Variants in CNOT6 observed in about 807,000 individuals in gnomAD.
The protein encoded by CNOT6 is carbon catabolite repression 4 protein.
A neutral mutation model predicts 61.2 loss-of-function variants in CNOT6; 12 were observed. The observed-to-expected ratio is 0.20, with a 90% CI of 0.13 to 0.32. The LOEUF (loss-of-function observed/expected upper bound fraction) is 0.32. Among genes scored for constraint, CNOT6 ranks in the 10% least tolerant of loss-of-function variants. The pLI, the probability that CNOT6 is intolerant of heterozygous loss-of-function variation, is 1.00. For missense variants in CNOT6, 405 were observed against 663.9 expected, an observed-to-expected ratio of 0.61 and a Z score of 4.28; for synonymous variants, 225 against 240.6, an observed-to-expected ratio of 0.94 and a Z score of 0.60.
intron 3 of CNOT6, among the ~76,000 whole-genome samples, chr5:180,551,663 C>T (rs141678140): frequency 5.3e-5 from 8 of 152,128 alleles, no homozygotes; most frequent in Non-Finnish European, 2.9e-5. Flanking sequence ...TTCATGTTAA[C>T]TGACTTTTTG....
At chr5:180,529,443 T>C in intron 2 of CNOT6, 55 bp downstream of exon 2, 1 of 1,028,194 alleles carries the variant, frequency 9.7e-7, no homozygotes, top group East Asian at 2.4e-5. Context: ...GGTAGTAAAC[T>C]GAGTTTTCTA....
chr5:180,570,031 G>T (rs188116520), intron 10 of CNOT6, among the ~76,000 whole-genome samples: 1 of 152,096 alleles, frequency 6.6e-6, no homozygotes. Flanking sequence ...TTGGAAGCAC[G>T]TTCTTGACAT....
At chr5:180,494,925 C>G (rs1468905465) in intron 1 of CNOT6, among the ~76,000 whole-genome samples, 162 bp downstream of exon 1, 5 of 151,626 alleles carry the variant, frequency 3.3e-5, no homozygotes, top group Non-Finnish European at 5.9e-5. Flanking sequence ...CCCTTCGACG[C>G]GCCGCGATCG....
chr5:180,496,210 T>A (rs1756607365), intron 1 of CNOT6, among the ~76,000 whole-genome samples: 1 of 152,130 alleles, frequency 6.6e-6, no homozygotes, highest in South Asian at 2.1e-4. Flanking sequence ...GCCATCACAG[T>A]GTTTAGAATG....
At chr5:180,548,902 T>A (rs1383294258) in intron 2 of CNOT6, among the ~76,000 whole-genome samples, 1 of 152,232 alleles carries the variant, frequency 6.6e-6, no homozygotes, top group Admixed American at 6.5e-5. Flanking sequence ...AAGGAGATTA[T>A]GGGGAACATT....
At chr5:180,511,559 C>T (rs907328637) in intron 1 of CNOT6, among the ~76,000 whole-genome samples, 5 of 151,258 alleles carry the variant, frequency 3.3e-5, no homozygotes, top group East Asian at 2.0e-4. Context: ...TGCAGTGAGC[C>T]GAGATCACAC....
chr5:180,525,710 A>T (rs142243414), intron 1 of CNOT6, among the ~76,000 whole-genome samples: 109 of 152,302 alleles, frequency 7.2e-4, no homozygotes, highest in African/African-American at 2.5e-3. Context: ...TTTTCTGGTA[A>T]AATGGAGATA....
In CNOT6 at chr5:180,500,425, CT is replaced by C; in HGVS notation, c.-3+5667del. 2.2e-5 allele frequency among the ~76,000 whole-genome samples: 3 copies of C among 134,134 alleles called. No homozygotes were observed. In the East Asian group the frequency reaches 6.8e-4, roughly 30 times the overall value. 88.0% of individuals were successfully genotyped at this position (134,134 alleles called of 152,430 possible). The stretch of plus-strand genomic sequence containing the variant: ...CTGCACCTGGCCAAATTCACGTTTT[CT>C]TTTTCTTTTCTTTTCTTTTTTTTTT... On this transcript the variant is annotated intron_variant, in intron 1 of 11. Coordinates refer to ENST00000261951, the MANE Select transcript of CNOT6 (RefSeq NM_001370472.1).
At chr5:180,497,581 C>T (rs914655718) in intron 1 of CNOT6, among the ~76,000 whole-genome samples, 16 of 152,098 alleles carry the variant, frequency 1.1e-4, no homozygotes, top group Non-Finnish European at 2.1e-4. Flanking sequence ...TTGGGAAGCT[C>T]TGCTTGAAAG....
chr5:180,509,306 AT>A (rs200864349), intron 1 of CNOT6, among the ~76,000 whole-genome samples: 10 of 150,634 alleles, frequency 6.6e-5, no homozygotes, highest in East Asian at 1.9e-4. Flanking sequence ...TAATTTTGGT[AT>A]TTTTTTTTCT....
At chr5:180,501,899 G>A (rs1756883657) in intron 1 of CNOT6, among the ~76,000 whole-genome samples, 1 of 152,186 alleles carries the variant, frequency 6.6e-6, no homozygotes, top group Admixed American at 6.5e-5. Flanking sequence ...GAAATGGGTT[G>A]ATAGGATTTG....
chr5:180,534,583 TG>T (rs1321962601), intron 2 of CNOT6: 4 of 155,544 alleles, frequency 2.6e-5, no homozygotes, highest in African/African-American at 9.6e-5. Context: ...GATTCCCTTT[TG>T]GGTGCGCAAG....
chr5:180,511,094 C>T (rs113361896), intron 1 of CNOT6, among the ~76,000 whole-genome samples: 7,484 of 152,212 alleles, frequency 0.049, 257 homozygotes, highest in Non-Finnish European at 0.069. Context: ...TGTGAGCCAC[C>T]GTGTCCAGAC....
intron 2 of CNOT6, among the ~76,000 whole-genome samples, chr5:180,540,926 A>G (rs1173388624): frequency 1.3e-5 from 2 of 152,006 alleles, no homozygotes; most frequent in Non-Finnish European, 2.9e-5. Context: ...TTCTAGTGCA[A>G]GTTTCTGTAA....
intron 2 of CNOT6, among the ~76,000 whole-genome samples, chr5:180,549,614 A>C (rs1315163888): frequency 2.6e-5 from 4 of 151,938 alleles, no homozygotes; most frequent in Non-Finnish European, 2.9e-5. Context: ...ACGCCACTGC[A>C]CTCCAGCCTG....
Position 180,567,895 on chromosome 5 carries a change from A to G in CNOT6, c.919A>G (p.Met307Val), listed in dbSNP as rs1398427110. 1.2e-6 allele frequency: 2 copies of G among 1,614,130 alleles called. No individual in the cohort carries two copies. Among genetic ancestry groups the G allele is most frequent in the African/African-American group, 1.3e-5 (1 of 75,030 alleles). Residue 307 changes from methionine (M) to valine (V), a missense_variant, in exon 9 of 12, where the codon ATG (methionine) becomes GTG (valine). Physicochemically the swap from Met to Val is conservative, Grantham distance 21. Transcript: ENST00000261951. ...CACTGTTGAATTTAATCAGCTAGCCATGGCAAATTCTGAGGGGTCTGAAGC... is the reference window on the plus strand; with the variant it reads ...CACTGTTGAATTTAATCAGCTAGCCGTGGCAAATTCTGAGGGGTCTGAAGC... ...KHTVEFNQLA[M>V]ANSEGSEAML...
At chr5:180,526,857 T>A (rs1041302181) in intron 1 of CNOT6, among the ~76,000 whole-genome samples, 3 of 150,776 alleles carry the variant, frequency 2.0e-5, no homozygotes, top group Non-Finnish European at 2.9e-5. Flanking sequence ...GACAAGAATT[T>A]AAAAAAATCA....
chr5:180,524,847 G>A (rs1581498359), intron 1 of CNOT6, among the ~76,000 whole-genome samples: 1 of 152,192 alleles, frequency 6.6e-6, no homozygotes, highest in African/African-American at 2.4e-5. Flanking sequence ...TTCTATCTGG[G>A]AAAGCTAATG....
chr5:180,538,343 C>T (rs1246475247), intron 2 of CNOT6, among the ~76,000 whole-genome samples: 1 of 138,990 alleles, frequency 7.2e-6, no homozygotes, highest in Admixed American at 7.2e-5. Flanking sequence ...CTGGCCGGAA[C>T]ATCATCTTTA....
Sources: gnomAD v4.1 joint callset for allele counts (sites outside exome capture counted in the v4.1 genomes callset) on GRCh38, gnomAD v4.1.1 for gene constraint, MANE v1.5 for transcripts, NCBI Gene and HGNC (gene_info 2026-07-23, HGNC 2026-07-21) for gene names.